RNF115: variants seen among roughly 807,000 people sequenced by gnomAD.
The protein encoded by RNF115 is E3 ubiquitin-protein ligase RNF115.
In RNF115, 31 loss-of-function variants were observed where a neutral mutation model predicts 39.2. That is an observed-to-expected ratio of 0.79 (90% confidence interval 0.59 to 1.07). The LOEUF is 1.07. Ranked by LOEUF, RNF115 falls within the 50% of genes least tolerant of loss-of-function variation. RNF115 has a pLI of 0.00. For synonymous variants in RNF115, 124 were observed against 131.0 expected, an observed-to-expected ratio of 0.95 and a Z score of 0.37; for missense variants, 384 against 381.7, an observed-to-expected ratio of 1.01 and a Z score of -0.05.
intron 4 of RNF115, among the ~76,000 whole-genome samples, chr1:145,765,787 C>T (rs894099641): frequency 6.6e-6 from 1 of 152,162 alleles, no homozygotes; most frequent in Non-Finnish European, 1.5e-5. Flanking sequence ...ACTTTAGGGA[C>T]ACTGAATAAA....
intron 3 of RNF115, among the ~76,000 whole-genome samples, chr1:145,778,807 A>C (rs1647992280): frequency 6.6e-6 from 1 of 152,190 alleles, no homozygotes; most frequent in South Asian, 2.1e-4. Flanking sequence ...GTGAATAGCA[A>C]AGTCTAATCT....
chr1:145,813,317 A>G (rs1389588796), intron 1 of RNF115, among the ~76,000 whole-genome samples: 1 of 151,852 alleles, frequency 6.6e-6, no homozygotes, highest in Admixed American at 6.6e-5. Context: ...TGAAGAAACT[A>G]AAAGGTTAAA....
intron 7 of RNF115, among the ~76,000 whole-genome samples, chr1:145,749,256 T>G (rs1008762428): frequency 6.6e-6 from 1 of 152,184 alleles, no homozygotes; most frequent in Non-Finnish European, 1.5e-5. Context: ...TTACTTCTCA[T>G]GCCTAGTCTG....
In RNF115 at chr1:145,743,368, G is replaced by A. The variant is rs1657743055; in HGVS notation, c.*3498C>T. 6.6e-6 allele frequency: 1 copy of A among 152,158 alleles called. No homozygotes were observed. The highest frequency in any genetic ancestry group is 2.4e-5 in the African/African-American group (1 of 41,374). The allele number at this position is 152,158 out of a possible 1,614,324, so 9.4% of individuals were successfully genotyped here. A position where few individuals can be genotyped will look rare whatever the true frequency, so the allele number is the denominator to read the frequency against. On this transcript the variant is annotated 3_prime_UTR_variant, in exon 9 of 9. Transcript: ENST00000582693. ...TGGAACAGAAACATCAGCTCTTCTA[G>A]GGTATCCAAGCTGGCCTTCAGACTG...
chr1:145,806,505 G>A (rs1394736064), intron 1 of RNF115, among the ~76,000 whole-genome samples: 1 of 152,068 alleles, frequency 6.6e-6, no homozygotes, highest in African/African-American at 2.4e-5. Flanking sequence ...GTTTGGATAT[G>A]TGTCCCCTCT....
chr1:145,769,026 T>C (rs1296733994), intron 4 of RNF115, among the ~76,000 whole-genome samples: 1 of 152,192 alleles, frequency 6.6e-6, no homozygotes, highest in Non-Finnish European at 1.5e-5. Context: ...CTGAGAAAAT[T>C]AGGGAAATGC....
At chr1:145,774,997 A>G (rs1647815925) in intron 3 of RNF115, among the ~76,000 whole-genome samples, 2 of 152,202 alleles carry the variant, frequency 1.3e-5, no homozygotes, top group Non-Finnish European at 2.9e-5. Flanking sequence ...CTGTAATCCT[A>G]GCACTTTGGG....
At chr1:145,794,071 T>C (rs1238004704) in intron 1 of RNF115, among the ~76,000 whole-genome samples, 1 of 152,154 alleles carries the variant, frequency 6.6e-6, no homozygotes, top group Non-Finnish European at 1.5e-5. Context: ...CTCGAACTCC[T>C]GACCTCGAGT....
chr1:145,803,602 G>A (rs1165835300), intron 1 of RNF115, among the ~76,000 whole-genome samples: 5 of 152,160 alleles, frequency 3.3e-5, no homozygotes, highest in Non-Finnish European at 4.4e-5. Context: ...TGGCCAGGCT[G>A]GTGTTGAACT....
chr1:145,748,110 T>A lies in RNF115; in HGVS notation c.668A>T (p.Asp223Val). The A allele has an allele frequency of 6.2e-7, 1 of 1,606,440 alleles. No individual in the cohort carries two copies. Among genetic ancestry groups the A allele is most frequent in the Non-Finnish European group, 8.5e-7 (1 of 1,173,368 alleles). Residue 223 changes from aspartate (D) to valine (V), a missense_variant and splice_region_variant, in exon 8 of 9, where the codon GAT becomes GTT. Coordinates refer to ENST00000582693, the MANE Select transcript of RNF115 (RefSeq NM_014455.4). The part of the protein sequence containing the change: ...PTVTVTQEQV[D>V]MGLECPVCKE... ...GCATACTGGACACTCTAAACCCATATCTGTTGAAGAAGGAAATGCCTTTTA... is the reference window on the plus strand; with the variant it reads ...GCATACTGGACACTCTAAACCCATAACTGTTGAAGAAGGAAATGCCTTTTA...
chr1:145,797,958 G>T (rs1649056396), intron 1 of RNF115, among the ~76,000 whole-genome samples: 1 of 152,128 alleles, frequency 6.6e-6, no homozygotes, highest in Admixed American at 6.6e-5. Context: ...TTGGAGAAAT[G>T]ACTATTCAAG....
chr1:145,752,850 G>C lies in RNF115; in HGVS notation c.500+128C>G. 3 of 632,026 alleles carry C rather than the reference G, an allele frequency of 4.7e-6. No individual in the cohort carries two copies. In the South Asian group the frequency reaches 5.3e-5, roughly 11 times the overall value. The allele number at this position is 632,026 out of a possible 1,614,324, so 39.2% of individuals were successfully genotyped here. A position where few individuals can be genotyped will look rare whatever the true frequency, so the allele number is the denominator to read the frequency against. On this transcript the variant is annotated intron_variant, in intron 5 of 8. Transcript: ENST00000582693. ...GATCCGCCAGCCTCGGCCTCCCAAA[G>C]TGCTGGGATTAGAGGCATGAGCCAC...
intron 1 of RNF115, among the ~76,000 whole-genome samples, chr1:145,798,760 A>G (rs1386546762): frequency 6.6e-6 from 1 of 152,184 alleles, no homozygotes; most frequent in African/African-American, 2.4e-5. Context: ...GGAAGAATTC[A>G]TATCTTAACA....
intron 1 of RNF115, among the ~76,000 whole-genome samples, chr1:145,818,115 C>T (rs587632281): frequency 9.9e-5 from 15 of 151,822 alleles, no homozygotes; most frequent in African/African-American, 3.6e-4. Flanking sequence ...TGGGTATATA[C>T]CCAGTAATGG....
intron 3 of RNF115, among the ~76,000 whole-genome samples, chr1:145,778,195 A>C (rs1296092757): frequency 6.6e-6 from 1 of 152,208 alleles, no homozygotes; most frequent in African/African-American, 2.4e-5. Context: ...ATGAACCTTG[A>C]AAACAGTATT....
intron 3 of RNF115, among the ~76,000 whole-genome samples, chr1:145,781,674 C>T (rs1465337360): frequency 6.6e-6 from 1 of 152,118 alleles, no homozygotes; most frequent in Non-Finnish European, 1.5e-5. Flanking sequence ...AATTTACAGA[C>T]AAGGACAAGA....
chr1:145,753,100 C>T, intron 4 of RNF115, 51 bp from the exon 5 acceptor site: 3 of 1,227,816 alleles, frequency 2.4e-6, no homozygotes, highest in Middle Eastern at 1.9e-4. Context: ...GAAAAGTACT[C>T]TACAGATATC....
chr1:145,778,654 G>A (rs587622621), intron 3 of RNF115, among the ~76,000 whole-genome samples: 6 of 152,194 alleles, frequency 3.9e-5, no homozygotes, highest in Non-Finnish European at 8.8e-5. Flanking sequence ...ATGTTTCCTC[G>A]TGTGCCTTTG....
chr1:145,755,979 G>A (rs1371079613), intron 4 of RNF115, among the ~76,000 whole-genome samples: 1 of 152,012 alleles, frequency 6.6e-6, no homozygotes, highest in Non-Finnish European at 1.5e-5. Flanking sequence ...TGCAAAAGAG[G>A]GATGAATTAA....
Sources: allele counts gnomAD v4.1 joint callset (sites outside exome capture counted in the v4.1 genomes callset), GRCh38; gene constraint gnomAD v4.1.1; transcripts MANE v1.5; gene names NCBI Gene and HGNC (gene_info 2026-07-23, HGNC 2026-07-21).